EXOC4: variants seen among roughly 807,000 people sequenced by gnomAD.
EXOC4 encodes the protein exocyst complex component 4.
A neutral mutation model predicts 107.2 loss-of-function variants in EXOC4; 71 were observed. That is an observed-to-expected ratio of 0.66 (90% CI 0.55 to 0.81). The LOEUF is 0.81. Ranked by LOEUF, EXOC4 falls within the 30% of genes least tolerant of loss-of-function variation. EXOC4 has a pLI of 0.00. For missense variants in EXOC4, 1,108 were observed against 1,189.6 expected, an observed-to-expected ratio of 0.93 and a Z score of 1.01; for synonymous variants, 456 against 441.2, an observed-to-expected ratio of 1.03 and a Z score of -0.42.
chr7:133,661,681 A>C (rs969073738), intron 10 of EXOC4, among the ~76,000 whole-genome samples: 1 of 125,500 alleles, frequency 8.0e-6, no homozygotes, highest in African/African-American at 3.0e-5. Flanking sequence ...CTAAAAAAAA[A>C]AAAAAAACAA....
chr7:133,509,696 A>T (rs901173031), intron 9 of EXOC4, among the ~76,000 whole-genome samples: 61 of 152,336 alleles, frequency 4.0e-4, no homozygotes, highest in Admixed American at 3.2e-3. Context: ...TGGAGAGAGA[A>T]ATAAATGTCT....
At chr7:133,765,996 A>T (rs1253000061) in intron 10 of EXOC4, among the ~76,000 whole-genome samples, 1 of 152,012 alleles carries the variant, frequency 6.6e-6, no homozygotes, top group African/African-American at 2.4e-5. Flanking sequence ...GAAAGTGAGG[A>T]TGATATCTGG....
At chr7:133,728,891 C>A (rs1190605748) in intron 10 of EXOC4, among the ~76,000 whole-genome samples, 1 of 152,172 alleles carries the variant, frequency 6.6e-6, no homozygotes, top group Non-Finnish European at 1.5e-5. Flanking sequence ...CATTCCATCT[C>A]TCAATGAAAT....
At chr7:134,073,050 C>G in the EXOC4 span, among the ~76,000 whole-genome samples, 1 of 151,472 alleles carries the variant, frequency 6.6e-6, no homozygotes, top group South Asian at 2.1e-4. Context: ...ACTAAAAATA[C>G]AAAAAGTTAG....
intron 9 of EXOC4, chr7:133,602,056 G>C (rs1327485690): frequency 6.6e-6 from 1 of 152,222 alleles, no homozygotes; most frequent in African/African-American, 2.4e-5. Context: ...CCTCAGTTGG[G>C]TGACTGCATG....
At chr7:133,814,696 A>G (rs1797323070) in intron 10 of EXOC4, among the ~76,000 whole-genome samples, 1 of 152,176 alleles carries the variant, frequency 6.6e-6, no homozygotes, top group African/African-American at 2.4e-5. Context: ...TGTGTTTTCA[A>G]ACTTTTGGAA....
At chr7:133,597,504 A>G (rs1468930620) in intron 9 of EXOC4, among the ~76,000 whole-genome samples, 4 of 142,464 alleles carry the variant, frequency 2.8e-5, no homozygotes, top group African/African-American at 1.0e-4. Context: ...CGGTGAGCTG[A>G]GATCGCACCA....
intron 1 of EXOC4, among the ~76,000 whole-genome samples, chr7:133,272,711 T>C (rs1793901160): frequency 6.6e-6 from 1 of 152,198 alleles, no homozygotes; most frequent in African/African-American, 2.4e-5. Flanking sequence ...GGGGCAAAGC[T>C]GGCACAGGGT....
chr7:133,632,012 A>AT (rs1802603645), intron 10 of EXOC4, among the ~76,000 whole-genome samples: 2 of 152,190 alleles, frequency 1.3e-5, no homozygotes, highest in Non-Finnish European at 1.5e-5. Context: ...TTTTCAAGAG[A>AT]TTTTTCCTCT....
chr7:133,256,184 T>G (rs937525163), intron 1 of EXOC4, among the ~76,000 whole-genome samples: 3 of 152,208 alleles, frequency 2.0e-5, no homozygotes, highest in African/African-American at 7.2e-5. Context: ...GGTTTCACCA[T>G]GTTAGCCAGG....
intron 10 of EXOC4, among the ~76,000 whole-genome samples, chr7:133,787,115 G>A (rs1218121127): frequency 6.6e-6 from 1 of 151,044 alleles, no homozygotes; most frequent in African/African-American, 2.4e-5. Context: ...TATTTATTGA[G>A]CATTTTCTGT....
intron 2 of EXOC4, among the ~76,000 whole-genome samples, chr7:133,284,451 T>G (rs1432650705): frequency 6.6e-6 from 1 of 152,222 alleles, no homozygotes; most frequent in African/African-American, 2.4e-5. Context: ...TGGAATGATT[T>G]AATAGCTGGA....
intron 10 of EXOC4, among the ~76,000 whole-genome samples, chr7:133,805,219 G>C (rs1023354429): frequency 1.3e-5 from 2 of 152,164 alleles, no homozygotes; most frequent in Admixed American, 1.3e-4. Context: ...GAGTGACTTA[G>C]TTTTGAAGTG....
intron 11 of EXOC4, among the ~76,000 whole-genome samples, chr7:133,866,916 G>A (rs906522803): frequency 1.3e-5 from 2 of 152,186 alleles, no homozygotes; most frequent in Admixed American, 6.5e-5. Flanking sequence ...AGAGAAATGC[G>A]CATGCCCTCT....
Position 133,581,480 on chromosome 7 carries a change from C to T in EXOC4, c.1418-48565C>T, listed in dbSNP as rs191293786. On this transcript the variant is annotated intron_variant, in intron 9 of 17. Transcript: ENST00000253861. ...AGTGCTATAAAGAATGACCTGAGGC[C>T]GGGCGCGGTGGCTCACGCCTGTAAT... Among the ~76,000 whole-genome samples the T allele has an allele frequency of 7.9e-5, 12 of 152,056 alleles. No individual in the cohort carries two copies. In the East Asian group the frequency reaches 1.4e-3, roughly 17 times the overall value.
chr7:133,940,262 G>A (rs1469454795), intron 14 of EXOC4, among the ~76,000 whole-genome samples: 1 of 152,200 alleles, frequency 6.6e-6, no homozygotes, highest in Non-Finnish European at 1.5e-5. Flanking sequence ...GGAGAAAGAT[G>A]CATTCTGAGT....
rs1801172790 is a variant in EXOC4 at position 133,578,102 on chromosome 7, G to T, written c.1418-51943G>T. On this transcript the variant is annotated intron_variant, in intron 9 of 17. Transcript: ENST00000253861. ...CCTTTGAATTATTACCCATATTATTGTCTTAATTTGTTGAAATTGTTGTAT... is the reference window on the plus strand; with the variant it reads ...CCTTTGAATTATTACCCATATTATTTTCTTAATTTGTTGAAATTGTTGTAT... Among the ~76,000 whole-genome samples the T allele has an allele frequency of 2.0e-5, 3 of 152,044 alleles. 1 individual carries two copies. The South Asian group carries it at 6.2e-4, about 32-fold the overall frequency.
chr7:133,599,811 TCC>T, intron 9 of EXOC4, among the ~76,000 whole-genome samples: 1 of 152,046 alleles, frequency 6.6e-6, no homozygotes, highest in African/African-American at 2.4e-5. Flanking sequence ...CAAACTCATG[TCC>T]ACCTTGACAT....
intron 9 of EXOC4, among the ~76,000 whole-genome samples, chr7:133,607,641 C>G (rs553495147): frequency 1.3e-5 from 2 of 152,294 alleles, no homozygotes; most frequent in African/African-American, 4.8e-5. Context: ...TGAATTGGCA[C>G]TATCACAAGC....
Sources: allele counts gnomAD v4.1 joint callset (sites outside exome capture counted in the v4.1 genomes callset), GRCh38; gene constraint gnomAD v4.1.1; transcripts MANE v1.5; gene names NCBI Gene and HGNC (gene_info 2026-07-23, HGNC 2026-07-21).